ATG3: variants seen among roughly 807,000 people sequenced by gnomAD.
ATG3 encodes the protein autophagy related 3, also known as ubiquitin-like-conjugating enzyme ATG3.
ATG3 carries 25 observed loss-of-function variants against 50.7 expected under a neutral mutation model. The ratio of observed to expected loss-of-function variants is 0.49; its 90% CI spans 0.36 to 0.69. The LOEUF is 0.69. ATG3 is among the 30% of genes least tolerant of loss of function. ATG3 has a pLI of 0.00. For synonymous variants in ATG3, 119 were observed against 125.5 expected, an observed-to-expected ratio of 0.95 and a Z score of 0.34; for missense variants, 281 against 376.0, an observed-to-expected ratio of 0.75 and a Z score of 2.09.
chr3:112,554,064 A>C (rs6792947), intron 2 of ATG3, among the ~76,000 whole-genome samples: 111,619 of 152,154 alleles, frequency 0.73, 45,648 homozygotes, highest in Non-Finnish European at 0.92. Context: ...ATAAACTTTA[A>C]CCATTTGAGA....
Position 112,550,234 on chromosome 3 carries a change from C to A in ATG3, c.193G>T (p.Ala65Ser), listed in dbSNP as rs141154702. Residue 65 changes from alanine to serine, a missense_variant, in exon 4 of 12, where the codon GCA becomes TCA. Ala to Ser is a moderately conservative substitution (Grantham distance 99, BLOSUM62 1). This residue lies in a region of ATG3 where 242 missense variants were observed against 305.0 expected (regional missense o/e 0.79). Transcript: ENST00000283290. ...AATTGTTTGCCTGTTGGTAGGTATG[C>A]CTTCACTTTCAATTCTTCCCCTGTA... ...WATGEELKVK[A>S]YLPTGKQFLV... The A allele has an allele frequency of 6.2e-7, 1 of 1,612,732 alleles. No individual in the cohort carries two copies. Among genetic ancestry groups the A allele is most frequent in the Non-Finnish European group, 8.5e-7 (1 of 1,179,482 alleles).
At chr3:112,534,428 A>T (rs1224067031) in intron 10 of ATG3, 91 bp from the exon 11 acceptor site, 2 of 985,854 alleles carry the variant, frequency 2.0e-6, no homozygotes, top group Non-Finnish European at 2.8e-6. Context: ...AATCGACCCT[A>T]TTACTCTCAG....
chr3:112,537,856 C>A lies in ATG3; in HGVS notation c.545G>T (p.Cys182Phe), dbSNP rs748934081. 3.1e-6 allele frequency: 5 copies of A among 1,611,648 alleles called. No individual in the cohort carries two copies. In the South Asian group the frequency reaches 3.3e-5, roughly 11 times the overall value. Residue 182 changes from cysteine (C) to phenylalanine (F), a missense_variant, in exon 9 of 12, where the codon TGT becomes TTT. Around this residue, in one of 3 missense-constraint regions of ATG3, gnomAD observed 242 missense variants for 305.0 expected, o/e 0.79. Coordinates refer to ENST00000283290, the MANE Select transcript of ATG3 (RefSeq NM_022488.5). The part of the protein sequence containing the change: ...TLDTRKIVEA[C>F]KAKTDAGGED... ...ACCGCCAGCATCAGTTTTGGCTTTA[C>A]AAGCTTCTACTATTTTCCTTGTATC...
In ATG3 at chr3:112,561,414, GAGCATGTGCCTGACAGCTCCCGGCA is replaced by G; in HGVS notation, c.72+18_72+42del. ...TGCGGCGCCTGGTCCCTGAAAAGTC[GAGCATGTGCCTGACAGCTCCCGGCA>G]ACCCTGGCCTGGCTTACCTTGAGGA... On this transcript the variant is annotated intron_variant, in intron 1 of 11. Coordinates refer to ENST00000283290, the MANE Select transcript of ATG3 (RefSeq NM_022488.5). 6.3e-7 allele frequency: 1 copy of G among 1,596,720 alleles called. No individual in the cohort carries two copies. Among genetic ancestry groups the G allele is most frequent in the Non-Finnish European group, 8.6e-7 (1 of 1,166,044 alleles).
chr3:112,542,255 T>G (rs1933252671), intron 6 of ATG3, among the ~76,000 whole-genome samples: 1 of 152,146 alleles, frequency 6.6e-6, no homozygotes, highest in South Asian at 2.1e-4. Flanking sequence ...AAAGTGCACA[T>G]ATCTGTAAAT....
chr3:112,558,294 A>G, intron 2 of ATG3, 82 bp downstream of exon 2: 20 of 986,944 alleles, frequency 2.0e-5, no homozygotes, highest in Non-Finnish European at 3.0e-5. Context: ...AAAGTTCAAG[A>G]TGTTTTCTTA....
At chr3:112,541,712 C>T in intron 7 of ATG3, 91 bp downstream of exon 7, 2 of 1,149,618 alleles carry the variant, frequency 1.7e-6, no homozygotes, top group Non-Finnish European at 2.5e-6. Flanking sequence ...GCTAAACTTA[C>T]AACTCAATGA....
intron 5 of ATG3, among the ~76,000 whole-genome samples, chr3:112,547,656 C>T (rs920755369): frequency 2.4e-4 from 36 of 152,282 alleles, no homozygotes; most frequent in Admixed American, 1.9e-3. Context: ...TCAAATAACT[C>T]ATAGAAACAC....
At chr3:112,557,136 T>C (rs1933706584) in intron 2 of ATG3, among the ~76,000 whole-genome samples, 1 of 147,274 alleles carries the variant, frequency 6.8e-6, no homozygotes. Context: ...AGATTAGTTA[T>C]GCAAACCATT....
At chr3:112,539,629 C>T (rs546905467) in intron 7 of ATG3, among the ~76,000 whole-genome samples, 1 of 152,208 alleles carries the variant, frequency 6.6e-6, no homozygotes, top group East Asian at 1.9e-4. Context: ...TTTTTTGTCT[C>T]CACTGATTAG....
intron 6 of ATG3, among the ~76,000 whole-genome samples, chr3:112,542,375 A>G (rs766681749): frequency 2.0e-5 from 3 of 152,154 alleles, no homozygotes; most frequent in South Asian, 2.1e-4. Flanking sequence ...AATGCACAAG[A>G]TATCAGTTCA....
Position 112,534,264 on chromosome 3 carries a change from G to A in ATG3, c.863+5C>T, listed in dbSNP as rs1438506162. ...GCCACTAATCTTACATACAGGGAAG[G>A]ATACATATGAACTCCAAGTTCTCCC... On this transcript the variant is annotated splice_donor_5th_base_variant and intron_variant, in intron 11 of 11. Transcript: ENST00000283290. 2 of 1,596,590 alleles carry A rather than the reference G, an allele frequency of 1.3e-6. No individual in the cohort carries two copies. The highest frequency in any genetic ancestry group is 1.7e-5 in the Admixed American group (1 of 58,026).
intron 1 of ATG3, among the ~76,000 whole-genome samples, chr3:112,561,193 C>A (rs754711238): frequency 4.6e-5 from 7 of 152,178 alleles, no homozygotes; most frequent in Non-Finnish European, 1.0e-4. Flanking sequence ...CCTTCCAACC[C>A]GACGTACCCG....
At chr3:112,560,904 C>T (rs1200448391) in intron 1 of ATG3, among the ~76,000 whole-genome samples, 1 of 152,124 alleles carries the variant, frequency 6.6e-6, no homozygotes, top group African/African-American at 2.4e-5. Context: ...AGGTTTTGCT[C>T]GTTAGATGGG....
At position 112,558,258 on chromosome 3, in the gene ATG3, A is replaced by T. The variant is rs558174803; in HGVS notation, c.114+118T>A. 6 of 738,720 alleles carry T rather than the reference A, an allele frequency of 8.1e-6. No individual in the cohort carries two copies. The African/African-American group carries it at 9.0e-5, about 11-fold the overall frequency. 45.8% of individuals were successfully genotyped at this position (738,720 alleles called of 1,614,324 possible). ...AAATTCCCATAAATCACAGTCATAA[A>T]ACCTAATTTTACTCAAATCAAAATT... is the stretch of plus-strand genomic sequence containing the variant. On this transcript the variant is annotated intron_variant, in intron 2 of 11. Transcript: ENST00000283290.
At chr3:112,549,278 A>G (rs1559846680) in intron 4 of ATG3, among the ~76,000 whole-genome samples, 1 of 151,296 alleles carries the variant, frequency 6.6e-6, no homozygotes, top group East Asian at 1.9e-4. Flanking sequence ...TTATGGTATA[A>G]GGTCAACAAA....
chr3:112,532,888 AC>A (rs2082566200), intron 11 of ATG3, 108 bp from the exon 12 acceptor site: 1 of 1,331,516 alleles, frequency 7.5e-7, no homozygotes, highest in Non-Finnish European at 9.6e-7. Flanking sequence ...AAAAAACCCC[AC>A]AAAATCTTAA....
intron 6 of ATG3, 120 bp downstream of exon 6, chr3:112,543,937 A>G: frequency 1.5e-6 from 1 of 662,760 alleles, no homozygotes; most frequent in South Asian, 3.1e-5. Flanking sequence ...AAAGAGCTTG[A>G]TAATAAAAAA....
Position 112,558,360 on chromosome 3 carries a change from T to C in ATG3, c.114+16A>G, listed in dbSNP as rs372061693. The C allele has an allele frequency of 1.3e-6, 2 of 1,578,240 alleles. No individual in the cohort carries two copies. Among genetic ancestry groups the C allele is most frequent in the Non-Finnish European group, 1.7e-6 (2 of 1,157,042 alleles). The stretch of plus-strand genomic sequence containing the variant: ...ATTGTAAAATAAAAAGACTTCAGTA[T>C]ATCTTCAGCACTCACCTCTTCTGGG... On this transcript the variant is annotated intron_variant, in intron 2 of 11. Transcript: ENST00000283290.
Sources: gnomAD v4.1 joint callset for allele counts (sites outside exome capture counted in the v4.1 genomes callset) on GRCh38, gnomAD v4.1.1 for gene constraint, gnomAD v4.1.1 regional missense constraint, MANE v1.5 for transcripts, NCBI Gene and HGNC (gene_info 2026-07-23, HGNC 2026-07-21) for gene names.